ZNF251: variants seen among roughly 807,000 people sequenced by gnomAD.
ZNF251 encodes zinc finger protein 251.
Under a neutral mutation model 13.5 loss-of-function variants are expected in ZNF251, and 14 were observed. The observed-to-expected ratio is 1.04, with a 90% CI of 0.69 to 1.63. The LOEUF is 1.63. Among genes scored for constraint, ZNF251 ranks in the 40% most tolerant of loss-of-function variants. The probability of loss-of-function intolerance (pLI) is 0.00; values close to 1 mark genes in which losing one functional copy is unlikely to be tolerated. For synonymous variants in ZNF251, 287 were observed against 295.2 expected, an observed-to-expected ratio of 0.97 and a Z score of 0.28; for missense variants, 764 against 834.9, an observed-to-expected ratio of 0.92 and a Z score of 1.05.
In ZNF251 at chr8:144,722,421, G is replaced by A; in HGVS notation, c.1239C>T (p.Ala413=). The change falls in exon 5 of 5, where the codon GCC becomes GCT. Residue 413 remains alanine, a synonymous_variant. Transcript: ENST00000292562. The surrounding 1 kb of genome is among the most constrained non-coding windows in gnomAD (Gnocchi z 4.8). ...KPYVCNECGR[A]FGFNSHLTEH... Reference sequence around the variant, plus strand: ...CAGTAAGATGAGAGTTAAAACCAAAGGCTCTGCCGCATTCATTACATACAT... The same window carrying A: ...CAGTAAGATGAGAGTTAAAACCAAAAGCTCTGCCGCATTCATTACATACAT... 18 of 1,613,902 alleles carry A rather than the reference G, an allele frequency of 1.1e-5. No homozygotes were observed. Among genetic ancestry groups the A allele is most frequent in the Non-Finnish European group, 1.5e-5 (18 of 1,179,902 alleles).
rs372264413 is a variant in ZNF251 at position 144,724,714 on chromosome 8, T to C, written c.278-1332A>G. On this transcript the variant is annotated intron_variant, in intron 4 of 4. Coordinates refer to ENST00000292562, the MANE Select transcript of ZNF251 (RefSeq NM_138367.2). ...GGGGCTGTTTAAACCCAGTAAAAAC[T>C]ATTCACATAATGGAATACAATTCTA... 2.6e-5 allele frequency among the ~76,000 whole-genome samples: 4 copies of C among 152,266 alleles called. No individual in the cohort carries two copies. The East Asian group carries it at 5.8e-4, about 22-fold the overall frequency.
chr8:144,747,562 G>A (rs1259101893), intron 4 of ZNF251, among the ~76,000 whole-genome samples: 13 of 152,214 alleles, frequency 8.5e-5, no homozygotes, highest in Admixed American at 4.6e-4. Flanking sequence ...TGCAGACAGT[G>A]AACTCATCTA....
In ZNF251 at chr8:144,722,004, A is replaced by G. The variant is rs752825933; in HGVS notation, c.1656T>C (p.Asn552=). The part of the protein sequence containing the change: ...KHGRAFNHGA[N]LILRWTVHTG... The stretch of plus-strand genomic sequence containing the variant: ...TGTGAACTGTCCAGCGCAGAATGAG[A>G]TTTGCACCATGGTTAAAGGCTCTGC... Residue 552 remains asparagine (N), a synonymous_variant, in exon 5 of 5, where the codon AAT becomes AAC. Transcript: ENST00000292562. This position sits in a 1 kb window ranked among gnomAD's most constrained non-coding sequence, Gnocchi z 4.8. 6.3e-7 allele frequency: 1 copy of G among 1,593,992 alleles called. No homozygotes were observed. Among genetic ancestry groups the G allele is most frequent in the Non-Finnish European group, 8.5e-7 (1 of 1,169,992 alleles).
Position 144,738,206 on chromosome 8 carries a change from C to T in ZNF251, c.278-14824G>A, listed in dbSNP as rs546424682. 9.9e-5 allele frequency among the ~76,000 whole-genome samples: 15 copies of T among 152,272 alleles called. No homozygotes were observed. The East Asian group carries it at 1.9e-3, about 20-fold the overall frequency. Reference sequence around the variant, plus strand: ...TCCCACTCTTGCATGGAAGCTCTGGCGACACCCACTCTGCCTCGTGGAGTC... The same window carrying T: ...TCCCACTCTTGCATGGAAGCTCTGGTGACACCCACTCTGCCTCGTGGAGTC... On this transcript the variant is annotated intron_variant, in intron 4 of 4. Coordinates refer to ENST00000292562, the MANE Select transcript of ZNF251 (RefSeq NM_138367.2).
At chr8:144,730,305 C>T (rs1486331214) in intron 4 of ZNF251, among the ~76,000 whole-genome samples, 4 of 152,232 alleles carry the variant, frequency 2.6e-5, no homozygotes, top group Non-Finnish European at 4.4e-5. Flanking sequence ...CAGCGCGTGC[C>T]GCTGCGACGG....
intron 4 of ZNF251, among the ~76,000 whole-genome samples, chr8:144,745,430 C>T (rs111527510): frequency 2.0e-5 from 3 of 152,226 alleles, no homozygotes; most frequent in African/African-American, 7.2e-5. Flanking sequence ...AAATTGGGTA[C>T]TATGGGTCCT....
chr8:144,755,324 C>T (rs1824910395), intron 1 of ZNF251, 81 bp downstream of exon 1: 4 of 1,283,666 alleles, frequency 3.1e-6, no homozygotes, highest in African/African-American at 1.5e-5. Context: ...CTGGACTGGC[C>T]GCCGCCTCCC....
chr8:144,732,295 G>A (rs1178954372), intron 4 of ZNF251, among the ~76,000 whole-genome samples: 1 of 152,146 alleles, frequency 6.6e-6, no homozygotes, highest in Non-Finnish European at 1.5e-5. Flanking sequence ...CTGGTAGAGG[G>A]ATAGTGGGAT....
chr8:144,754,953 A>C, intron 1 of ZNF251, 150 bp from the exon 2 acceptor site: 1 of 1,399,274 alleles, frequency 7.1e-7, no homozygotes, highest in South Asian at 1.7e-5. Flanking sequence ...CTGCTCAGTG[A>C]CTCCTGAAAT....
chr8:144,755,173 T>G (rs1235580898), intron 1 of ZNF251: 16 of 1,174,446 alleles, frequency 1.4e-5, no homozygotes, highest in Non-Finnish European at 1.6e-5. Context: ...GCGGGGATGC[T>G]GCCGAAGGCC....
chr8:144,746,693 C>A (rs1407681254), intron 4 of ZNF251, among the ~76,000 whole-genome samples: 1 of 151,936 alleles, frequency 6.6e-6, no homozygotes, highest in African/African-American at 2.4e-5. Context: ...TTGTCTATTT[C>A]TTCCCGTGTT....
chr8:144,741,594 T>C (rs1824171278), intron 4 of ZNF251, among the ~76,000 whole-genome samples: 2 of 152,170 alleles, frequency 1.3e-5, no homozygotes, highest in African/African-American at 4.8e-5. Flanking sequence ...ATTATAATTA[T>C]CCTCAGTGAA....
intron 2 of ZNF251, 115 bp downstream of exon 2, chr8:144,754,581 T>C: frequency 6.8e-7 from 1 of 1,471,672 alleles, no homozygotes; most frequent in South Asian, 1.4e-5. Context: ...TCACGGTTGC[T>C]ATGAGCCCCT....
chr8:144,737,837 C>CAAAAA (rs56856212), intron 4 of ZNF251, among the ~76,000 whole-genome samples: 4 of 52,018 alleles, frequency 7.7e-5, no homozygotes, highest in Non-Finnish European at 1.3e-4. Context: ...GACTCTGTCT[C>CAAAAA]AAAAAAAAAA....
At chr8:144,733,375 T>C (rs1421362177) in intron 4 of ZNF251, among the ~76,000 whole-genome samples, 1 of 152,246 alleles carries the variant, frequency 6.6e-6, no homozygotes, top group African/African-American at 2.4e-5. Flanking sequence ...ACCCCACCTC[T>C]AAAGCAGACC....
At chr8:144,733,158 G>A (rs1016089893) in intron 4 of ZNF251, among the ~76,000 whole-genome samples, 5 of 152,114 alleles carry the variant, frequency 3.3e-5, no homozygotes, top group Non-Finnish European at 7.3e-5. Flanking sequence ...GGCAGAGGTT[G>A]TAATGAGCCG....
At chr8:144,740,234 G>A (rs913940166) in intron 4 of ZNF251, among the ~76,000 whole-genome samples, 5 of 151,984 alleles carry the variant, frequency 3.3e-5, no homozygotes, top group African/African-American at 4.8e-5. Flanking sequence ...GCTGTGAGCC[G>A]AGATCGCGCC....
At chr8:144,737,837 C>CA (rs56856212) in intron 4 of ZNF251, among the ~76,000 whole-genome samples, 3,146 of 51,020 alleles carry the variant, frequency 0.062, 148 homozygotes, top group African/African-American at 0.16. Flanking sequence ...GACTCTGTCT[C>CA]AAAAAAAAAA....
chr8:144,734,440 G>A lies in ZNF251; in HGVS notation c.278-11058C>T, dbSNP rs549594371. Among the ~76,000 whole-genome samples the A allele has an allele frequency of 5.9e-5, 9 of 152,346 alleles. No homozygotes were observed. In the South Asian group the frequency reaches 8.3e-4, roughly 14 times the overall value. ...CTGAGCACCCGGTTCCTGCCCCACCGGACGCTGGAGGCCTCCACCTGGCTC... is the reference window on the plus strand; with the variant it reads ...CTGAGCACCCGGTTCCTGCCCCACCAGACGCTGGAGGCCTCCACCTGGCTC... On this transcript the variant is annotated intron_variant, in intron 4 of 4. Transcript: ENST00000292562. This position sits in a 1 kb window ranked among gnomAD's most constrained non-coding sequence, Gnocchi z 4.4.
Sources: gnomAD v4.1 joint callset for allele counts (sites outside exome capture counted in the v4.1 genomes callset) on GRCh38, gnomAD v4.1.1 for gene constraint, Gnocchi (gnomAD v3.1) non-coding constraint, MANE v1.5 for transcripts, NCBI Gene and HGNC (gene_info 2026-07-23, HGNC 2026-07-21) for gene names.